The following DHH variants were observed in gnomAD, a reference collection of about 807,000 sequenced individuals.
DHH encodes the protein desert hedgehog signaling molecule.
Under a neutral mutation model 27.6 loss-of-function variants are expected in DHH, and 16 were observed. The ratio of observed to expected loss-of-function variants is 0.58; its 90% CI spans 0.39 to 0.88. The LOEUF (loss-of-function observed/expected upper bound fraction) is 0.88, where lower values mean the gene tolerates loss of function less well. Among genes scored for constraint, DHH ranks in the 40% least tolerant of loss-of-function variants. DHH has a pLI of 0.00. For missense variants in DHH, 436 were observed against 563.1 expected (o/e 0.77, Z 2.28); for synonymous variants, 289 against 263.4 (o/e 1.10, Z -0.94).
In DHH at chr12:49,094,488, G is replaced by C. The variant is rs200685404; in HGVS notation, c.25C>G (p.Pro9Ala). The change falls in exon 1 of 3, where the codon CCC (proline) becomes GCC (alanine). Residue 9 changes from proline to alanine, a missense_variant. Physicochemically the swap from Pro to Ala is conservative, Grantham distance 27. Transcript: ENST00000649637. ...GCCAGAAGTGCCAAGCAGCACAGGG[G>C]CAGTAGATTGGTCAGGAGAGCCATG... Reference protein sequence around the residue: MALLTNLLPLCCLALLALP... With the variant: MALLTNLLALCCLALLALP... 6.1e-4 allele frequency: 959 copies of C among 1,564,508 alleles called. 8 individuals are homozygous for C. The highest frequency in any genetic ancestry group is 8.7e-5 in the Non-Finnish European group (100 of 1,154,920).
Position 49,089,879 on chromosome 12 carries a change from C to G in DHH, c.1171G>C (p.Ala391Pro). ...HWYSRLLYRL[A>P]EELLG ...GACGCTCAGCCCAGTAGCTCCTCCG[C>G]TAAGCGGTAGAGGAGCCGAGAGTAC... The change falls in exon 3 of 3, where the codon GCG becomes CCG. Residue 391 changes from alanine to proline, a missense_variant. Ala to Pro is a conservative substitution (Grantham distance 27). Transcript: ENST00000649637. 1 of 1,575,742 alleles carries G rather than the reference C, an allele frequency of 6.3e-7. No homozygotes were observed. Among genetic ancestry groups the G allele is most frequent in the Non-Finnish European group, 8.6e-7 (1 of 1,160,242 alleles).
At chr12:49,092,990 T>C (rs1939332176) in intron 1 of DHH, 1 of 152,244 alleles carries the variant, frequency 6.6e-6, no homozygotes, top group Admixed American at 6.5e-5. Context: ...TGGAAAACTA[T>C]GGCAATTAAT....
Position 49,089,934 on chromosome 12 carries a change from G to T in DHH, c.1116C>A (p.Gly372=). Reference sequence around the variant, plus strand: ...GCATGCCAGTCGGCTGGACGGCCCCGCCGGGGAGCAGCGCCCCTAGCGCGT... The same window carrying T: ...GCATGCCAGTCGGCTGGACGGCCCCTCCGGGGAGCAGCGCCCCTAGCGCGT... ...LLHALGALLP[G]GAVQPTGMHW... Residue 372 remains glycine, a synonymous_variant, in exon 3 of 3, where the codon GGC becomes GGA. Transcript: ENST00000649637. 6.3e-7 allele frequency: 1 copy of T among 1,585,196 alleles called. No homozygotes were observed. The highest frequency in any genetic ancestry group is 8.6e-7 in the Non-Finnish European group (1 of 1,166,724).
In DHH at chr12:49,091,104, T is replaced by A; in HGVS notation, c.565+24A>T. On this transcript the variant is annotated intron_variant, in intron 2 of 2. Coordinates refer to ENST00000649637, the MANE Select transcript of DHH (RefSeq NM_021044.4). This position sits in a 1 kb window ranked among gnomAD's most constrained non-coding sequence, Gnocchi z 4.8. ...CGGAGGGAGCCCCCTTTGGGCGGAT[T>A]TTACCACCCTCCTCCTACTGTACCA... The A allele has an allele frequency of 6.2e-7, 1 of 1,614,134 alleles. No individual in the cohort carries two copies. The highest frequency in any genetic ancestry group is 8.5e-7 in the Non-Finnish European group (1 of 1,180,006).
rs921293624 is a variant in DHH at position 49,088,862 on chromosome 12, T to C, written c.*997A>G. ...CCAGGCTGAATCCATTCTCTCTCTCTGAGCAGCCCTTCAGTAAGGAAATAT... is the reference window on the plus strand; with the variant it reads ...CCAGGCTGAATCCATTCTCTCTCTCCGAGCAGCCCTTCAGTAAGGAAATAT... On this transcript the variant is annotated 3_prime_UTR_variant, in exon 3 of 3. Coordinates refer to ENST00000649637, the MANE Select transcript of DHH (RefSeq NM_021044.4). 1.3e-5 allele frequency among the ~76,000 whole-genome samples: 2 copies of C among 152,230 alleles called. No homozygotes were observed. Among genetic ancestry groups the C allele is most frequent in the African/African-American group, 4.8e-5 (2 of 41,452 alleles).
chr12:49,090,437 T>C lies in DHH; in HGVS notation c.613A>G (p.Thr205Ala), dbSNP rs1939278747. Residue 205 changes from threonine to alanine, a missense_variant, in exon 3 of 3, where the codon ACT (threonine) becomes GCT (alanine). Coordinates refer to ENST00000649637, the MANE Select transcript of DHH (RefSeq NM_021044.4). This position sits in a 1 kb window ranked among gnomAD's most constrained non-coding sequence, Gnocchi z 5.2. ...CGCTCGCCGCTCCACAGGCGCACAG[T>C]TGCATTTCCCGGAAAGCAGCCGCCC... ...RAGGCFPGNA[T>A]VRLWSGERKG... 6.2e-7 allele frequency: 1 copy of C among 1,608,742 alleles called. No individual in the cohort carries two copies. Among genetic ancestry groups the C allele is most frequent in the African/African-American group, 1.3e-5 (1 of 75,008 alleles).
rs1364589876 is a variant in DHH at position 49,089,936 on chromosome 12, C to T, written c.1114G>A (p.Gly372Ser). The T allele has an allele frequency of 5.7e-6, 9 of 1,583,312 alleles. No individual in the cohort carries two copies. The highest frequency in any genetic ancestry group is 7.7e-6 in the Non-Finnish European group (9 of 1,165,724). The change falls in exon 3 of 3, where the codon GGC (glycine) becomes AGC (serine). Residue 372 changes from glycine (G) to serine (S), a missense_variant. Coordinates refer to ENST00000649637, the MANE Select transcript of DHH (RefSeq NM_021044.4). ...ATGCCAGTCGGCTGGACGGCCCCGC[C>T]GGGGAGCAGCGCCCCTAGCGCGTGC... ...LLHALGALLP[G>S]GAVQPTGMHW...
rs1215899280 is a variant in DHH at position 49,087,289 on chromosome 12, T to C, written c.*2570A>G. On this transcript the variant is annotated 3_prime_UTR_variant, in exon 3 of 3. Coordinates refer to ENST00000649637, the MANE Select transcript of DHH (RefSeq NM_021044.4). ...AGAGGTAAGCCTCAAGCCTAGAAAG[T>C]TACTTACAGGATGTAGTTTAAGGGA... is the stretch of plus-strand genomic sequence containing the variant. 2.0e-5 allele frequency among the ~76,000 whole-genome samples: 3 copies of C among 151,988 alleles called. No individual in the cohort carries two copies. Among genetic ancestry groups the C allele is most frequent in the African/African-American group, 7.3e-5 (3 of 41,342 alleles).
Position 49,091,368 on chromosome 12 carries a change from C to A in DHH, c.325G>T (p.Ala109Ser), listed in dbSNP as rs1462443468. The A allele has an allele frequency of 6.2e-7, 1 of 1,614,194 alleles. No individual in the cohort carries two copies. Among genetic ancestry groups the A allele is most frequent in the Non-Finnish European group, 8.5e-7 (1 of 1,180,034 alleles). Residue 109 changes from alanine to serine, a missense_variant, in exon 2 of 3, where the codon GCT becomes TCT. By Grantham distance (99) the Ala-to-Ser change is moderately conservative (BLOSUM62 1). Transcript: ENST00000649637. The surrounding 1 kb of genome is among the most constrained non-coding windows in gnomAD (Gnocchi z 4.8). ...MTERCKERVN[A>S]LAIAVMNMWP... ...ATGTTCATCACGGCAATGGCCAAAG[C>A]GTTCACCCGCTCCTTACAACGCTGG...
Position 49,090,220 on chromosome 12 carries a change from C to T in DHH, c.830G>A (p.Arg277Gln). Residue 277 changes from arginine (R) to glutamine (Q), a missense_variant, in exon 3 of 3, where the codon CGA becomes CAA. Physicochemically the swap from Arg to Gln is conservative, Grantham distance 43. Transcript: ENST00000649637. This position sits in a 1 kb window ranked among gnomAD's most constrained non-coding sequence, Gnocchi z 5.2. ...GTCGCCTGGCGCGGGCGCCGGCCCT[C>T]GAGCGGCAAACACCAGGTGCCAGGG... The part of the protein sequence containing the change: ...LTPWHLVFAA[R>Q]GPAPAPGDFA... 6.4e-7 allele frequency: 1 copy of T among 1,555,218 alleles called. No homozygotes were observed. The highest frequency in any genetic ancestry group is 8.7e-7 in the Non-Finnish European group (1 of 1,149,962).
chr12:49,094,325 G>C lies in DHH; in HGVS notation c.188C>G (p.Ala63Gly), dbSNP rs142269288. 568 of 1,613,234 alleles carry C rather than the reference G, an allele frequency of 3.5e-4. 4 individuals carry two copies. In the African/African-American group the frequency reaches 7.0e-3, roughly 20 times the overall value. The part of the protein sequence containing the change: ...PERTLGASGP[A>G]EGRVARGSER... ...GGAGCCCCTTGCCACCCTCCCCTCC[G>C]CTGGCCCACTGGCGCCCAGGGTCCG... Residue 63 changes from alanine to glycine, a missense_variant, in exon 1 of 3, where the codon GCG becomes GGG. Ala to Gly is a moderately conservative substitution (Grantham distance 60, BLOSUM62 0). Transcript: ENST00000649637.
rs936589702 is a variant in DHH, at chr12:49,087,717, G to A, written c.*2142C>T. ...GATCCTGTCTCTTTAAAAAATACAT[G>A]TATATATATATGCATTACCTGATTA... On this transcript the variant is annotated 3_prime_UTR_variant, in exon 3 of 3. Coordinates refer to ENST00000649637, the MANE Select transcript of DHH (RefSeq NM_021044.4). Among the ~76,000 whole-genome samples the A allele has an allele frequency of 5.9e-5, 9 of 151,902 alleles. No homozygotes were observed. The highest frequency in any genetic ancestry group is 5.9e-4 in the Admixed American group (9 of 15,230).
Position 49,091,436 on chromosome 12 carries a change from CA to C in DHH, c.304-48del. The C allele has an allele frequency of 6.2e-7, 1 of 1,609,394 alleles. No homozygotes were observed. The stretch of plus-strand genomic sequence containing the variant: ...AGTCTCCCCACCACCACCCTTGGGG[CA>C]AAAGGGACCTGGATAGGAGGGTTGA... On this transcript the variant is annotated intron_variant, in intron 1 of 2. Coordinates refer to ENST00000649637, the MANE Select transcript of DHH (RefSeq NM_021044.4). The surrounding 1 kb of genome is among the most constrained non-coding windows in gnomAD (Gnocchi z 4.8).
Position 49,087,084 on chromosome 12 carries a change from T to C in DHH, c.*2775A>G, listed in dbSNP as rs2120810317. Among the ~76,000 whole-genome samples, 1 of 152,272 alleles carries C rather than the reference T, an allele frequency of 6.6e-6. No individual in the cohort carries two copies. The highest frequency in any genetic ancestry group is 2.1e-4 in the South Asian group (1 of 4,826). On this transcript the variant is annotated 3_prime_UTR_variant, in exon 3 of 3. Transcript: ENST00000649637. The stretch of plus-strand genomic sequence containing the variant: ...CTAAGCCAAATCATCATCGCCTATT[T>C]TGTTGATGGTGAAAGGTGCTGCAAT...
chr12:49,090,486 T>A lies in DHH; in HGVS notation c.566-2A>T. 6.3e-7 allele frequency: 1 copy of A among 1,599,854 alleles called. No homozygotes were observed. The highest frequency in any genetic ancestry group is 8.5e-7 in the Non-Finnish European group (1 of 1,179,776). On this transcript the variant is annotated splice_acceptor_variant, in intron 2 of 2. Transcript: ENST00000649637. LOFTEE classifies it high-confidence loss of function. The surrounding 1 kb of genome is among the most constrained non-coding windows in gnomAD (Gnocchi z 5.2). ...CCGCCCGGACCGCCAGTGAGTTATC[T>A]GCAGGGAACAACCACAGGGAGGATT... is the stretch of plus-strand genomic sequence containing the variant.
chr12:49,093,772 T>C (rs539678838), intron 1 of DHH, among the ~76,000 whole-genome samples: 1 of 152,144 alleles, frequency 6.6e-6, no homozygotes, highest in African/African-American at 2.4e-5. Flanking sequence ...CCCTTTTCAG[T>C]CTCTTCTTTT....
chr12:49,092,612 G>T (rs1288632119), intron 1 of DHH, among the ~76,000 whole-genome samples: 1 of 152,226 alleles, frequency 6.6e-6, no homozygotes, highest in East Asian at 1.9e-4. Context: ...GTTGGGTGGG[G>T]GGAAAACAGG....
At position 49,088,231 on chromosome 12, in the gene DHH, C is replaced by T. The variant is rs1939238634; in HGVS notation, c.*1628G>A. 6.6e-6 allele frequency among the ~76,000 whole-genome samples: 1 copy of T among 152,038 alleles called. No individual in the cohort carries two copies. On this transcript the variant is annotated 3_prime_UTR_variant, in exon 3 of 3. Coordinates refer to ENST00000649637, the MANE Select transcript of DHH (RefSeq NM_021044.4). The stretch of plus-strand genomic sequence containing the variant: ...AGTGCCATGGTTTGGAACGACTTGC[C>T]CAAGGAGAAGCAGGTGGACTCCTTG...
At position 49,094,193 on chromosome 12, in the gene DHH, G is replaced by C. The variant is rs201147185; in HGVS notation, c.303+17C>G. 6.2e-7 allele frequency: 1 copy of C among 1,613,238 alleles called. No individual in the cohort carries two copies. The highest frequency in any genetic ancestry group is 1.7e-5 in the Admixed American group (1 of 60,024). ...GCTGGCAGTGCCCCGGCGCAGGTAGGGAGAGGCCCTCCTTACCTCGGTCAT... is the reference window on the plus strand; with the variant it reads ...GCTGGCAGTGCCCCGGCGCAGGTAGCGAGAGGCCCTCCTTACCTCGGTCAT... On this transcript the variant is annotated intron_variant, in intron 1 of 2. Coordinates refer to ENST00000649637, the MANE Select transcript of DHH (RefSeq NM_021044.4).
Sources: gnomAD v4.1 joint callset for allele counts (sites outside exome capture counted in the v4.1 genomes callset) on GRCh38, gnomAD v4.1.1 for gene constraint, Gnocchi (gnomAD v3.1) non-coding constraint, MANE v1.5 for transcripts, NCBI Gene and HGNC (gene_info 2026-07-23, HGNC 2026-07-21) for gene names.